GRIN2D: variants seen among roughly 807,000 people sequenced by gnomAD.
The protein encoded by GRIN2D is glutamate receptor ionotropic, NMDA 2D.
A neutral mutation model predicts 103.2 loss-of-function variants in GRIN2D; 37 were observed. The observed-to-expected ratio is 0.36, with a 90% CI of 0.28 to 0.47. The LOEUF (loss-of-function observed/expected upper bound fraction) is 0.47, where lower values mean the gene tolerates loss of function less well. Among genes scored for constraint, GRIN2D ranks in the 20% least tolerant of loss-of-function variants. The pLI, the probability that GRIN2D is intolerant of heterozygous loss-of-function variation, is 1.00. For synonymous variants in GRIN2D, 845 were observed against 885.6 expected, an observed-to-expected ratio of 0.95 and a Z score of 0.81; for missense variants, 1,557 against 1,910.6, an observed-to-expected ratio of 0.81 and a Z score of 3.45.
intron 11 of GRIN2D, among the ~76,000 whole-genome samples, 197 bp downstream of exon 11, chr19:48,422,142 A>C (rs1251424777): frequency 6.6e-6 from 1 of 152,122 alleles, no homozygotes; most frequent in Non-Finnish European, 1.5e-5. Context: ...ATTTTCTGGG[A>C]TGCAGTATTT....
intron 3 of GRIN2D, among the ~76,000 whole-genome samples, chr19:48,402,690 G>A (rs987377581): frequency 7.8e-6 from 1 of 128,538 alleles, no homozygotes; most frequent in African/African-American, 3.0e-5. Context: ...GCGGTCCGCA[G>A]TCCGGCCTGG....
intron 11 of GRIN2D, among the ~76,000 whole-genome samples, chr19:48,426,224 C>CTTTTTTTTTTTTT (rs369360320): frequency 1.3e-4 from 16 of 120,084 alleles, no homozygotes; most frequent in South Asian, 2.6e-4. Flanking sequence ...TTCTTTCTTT[C>CTTTTTTTTTTTTT]TTTTTTTTTT....
At chr19:48,426,224 C>CTTTCTTTCT (rs1555893889) in intron 11 of GRIN2D, among the ~76,000 whole-genome samples, 2 of 120,088 alleles carry the variant, frequency 1.7e-5, no homozygotes, top group Admixed American at 8.4e-5. Context: ...TTCTTTCTTT[C>CTTTCTTTCT]TTTTTTTTTT....
Position 48,442,354 on chromosome 19 carries a change from G to A in GRIN2D, c.2645G>A (p.Arg882His). 1.2e-6 allele frequency: 2 copies of A among 1,612,774 alleles called. No homozygotes were observed. The highest frequency in any genetic ancestry group is 1.7e-6 in the Non-Finnish European group (2 of 1,179,862). ...RLRHCLGPTH[R>H]MDFLLAFSRG... The stretch of plus-strand genomic sequence containing the variant: ...CGGCACTGCCTGGGGCCCACCCACC[G>A]CATGGACTTCCTGCTGGCCTTCTCC... The change falls in exon 13 of 14, where the codon CGC becomes CAC. Residue 882 changes from arginine (R) to histidine (H), a missense_variant. Physicochemically the swap from Arg to His is conservative, Grantham distance 29. Coordinates refer to ENST00000263269, the MANE Select transcript of GRIN2D (RefSeq NM_000836.4). This position sits in a 1 kb window ranked among gnomAD's most constrained non-coding sequence, Gnocchi z 7.2.
At chr19:48,441,349 T>G in intron 11 of GRIN2D, among the ~76,000 whole-genome samples, 4 of 123,708 alleles carry the variant, frequency 3.2e-5, no homozygotes, top group Admixed American at 9.5e-5. Context: ...GGTGACAGAG[T>G]GAGACTCTGT....
chr19:48,418,715 G>A (rs930642379), intron 8 of GRIN2D, among the ~76,000 whole-genome samples: 4 of 152,080 alleles, frequency 2.6e-5, no homozygotes, highest in African/African-American at 9.7e-5. Context: ...TGACTGGGTG[G>A]ATGGTGGGGC....
chr19:48,393,738 C>A lies in GRIN2D; in HGVS notation c.-436C>A, dbSNP rs940266595. Among the ~76,000 whole-genome samples, 1 of 152,108 alleles carries A rather than the reference C, an allele frequency of 6.6e-6. No homozygotes were observed. The highest frequency in any genetic ancestry group is 1.5e-5 in the Non-Finnish European group (1 of 68,008). ...TCCCTCCCGCTCCAGCTCCTCCAAGCCGCGGCCGCCGCCGCCACCCTCGCC... is the reference window on the plus strand; with the variant it reads ...TCCCTCCCGCTCCAGCTCCTCCAAGACGCGGCCGCCGCCGCCACCCTCGCC... On this transcript the variant is annotated 5_prime_UTR_variant, in exon 1 of 14. Coordinates refer to ENST00000263269, the MANE Select transcript of GRIN2D (RefSeq NM_000836.4). The surrounding 1 kb of genome is among the most constrained non-coding windows in gnomAD (Gnocchi z 5.6).
rs1210031627 is a variant in GRIN2D at position 48,444,828 on chromosome 19, G to A, written c.*891G>A. 6.6e-6 allele frequency: 1 copy of A among 152,298 alleles called. No individual in the cohort carries two copies. Among genetic ancestry groups the A allele is most frequent in the Non-Finnish European group, 1.5e-5 (1 of 68,134 alleles). 9.4% of individuals were successfully genotyped at this position (152,298 alleles called of 1,614,324 possible). A position where few individuals can be genotyped will look rare whatever the true frequency, so the allele number is the denominator to read the frequency against. On this transcript the variant is annotated 3_prime_UTR_variant, in exon 14 of 14. Coordinates refer to ENST00000263269, the MANE Select transcript of GRIN2D (RefSeq NM_000836.4). The surrounding 1 kb of genome is among the most constrained non-coding windows in gnomAD (Gnocchi z 5.5). ...CCAGCCGGGTCTGGGGCTGGGTTGC[G>A]GAGGGGAGGGTCTGGGAGTCCACAC...
chr19:48,435,673 G>A (rs1971220397), intron 11 of GRIN2D, among the ~76,000 whole-genome samples: 1 of 152,054 alleles, frequency 6.6e-6, no homozygotes, highest in Non-Finnish European at 1.5e-5. Context: ...ATGAACTCCC[G>A]ACCTCAGGAG....
At position 48,419,608 on chromosome 19, in the gene GRIN2D, A is replaced by G; in HGVS notation, c.1885A>G (p.Ile629Val). The G allele has an allele frequency of 6.2e-7, 1 of 1,611,654 alleles. No homozygotes were observed. Among genetic ancestry groups the G allele is most frequent in the East Asian group, 2.2e-5 (1 of 44,744 alleles). The change falls in exon 10 of 14, where the codon ATT (isoleucine) becomes GTT (valine). Residue 629 changes from isoleucine to valine, a missense_variant. This residue lies in a region of GRIN2D where 197 missense variants were observed against 334.1 expected (regional missense o/e 0.59). Coordinates refer to ENST00000263269, the MANE Select transcript of GRIN2D (RefSeq NM_000836.4). Reference protein sequence around the residue: ...GKRPGGSTFTIGKSIWLLWAL... With the variant: ...GKRPGGSTFTVGKSIWLLWAL... ...AGGCCCTGGCGGTTCAACCTTCACC[A>G]TTGGGAAATCCATCTGGCTGCTCTG...
chr19:48,404,055 CAT>C (rs1970749949), intron 3 of GRIN2D, among the ~76,000 whole-genome samples: 3 of 152,184 alleles, frequency 2.0e-5, no homozygotes, highest in African/African-American at 7.2e-5. Context: ...GCCTGGCCAA[CAT>C]GGAGAAAACC....
intron 4 of GRIN2D, among the ~76,000 whole-genome samples, 195 bp from the exon 5 acceptor site, chr19:48,413,796 G>C (rs1423336402): frequency 1.3e-5 from 2 of 152,102 alleles, no homozygotes; most frequent in Non-Finnish European, 2.9e-5. Context: ...CCTTATCCTG[G>C]GGGGCACTGG....
intron 8 of GRIN2D, among the ~76,000 whole-genome samples, chr19:48,417,648 C>G (rs566134637): frequency 6.6e-6 from 1 of 152,268 alleles, no homozygotes; most frequent in South Asian, 2.1e-4. Context: ...TGAGAAGCAC[C>G]ACGTGGGGCC....
At chr19:48,401,255 GA>G (rs946073717) in intron 3 of GRIN2D, among the ~76,000 whole-genome samples, 17 of 150,462 alleles carry the variant, frequency 1.1e-4, no homozygotes, top group South Asian at 2.1e-4. Flanking sequence ...TACAGTTCTA[GA>G]GGGGGGGGGA....
intron 3 of GRIN2D, among the ~76,000 whole-genome samples, chr19:48,403,082 CCAGCTACT>C (rs1191286881): frequency 6.6e-6 from 1 of 151,634 alleles, no homozygotes; most frequent in African/African-American, 2.4e-5. Flanking sequence ...GCCTGTAATC[CCAGCTACT>C]CAGAAGGCTG....
intron 4 of GRIN2D, among the ~76,000 whole-genome samples, chr19:48,413,445 C>T (rs1205416419): frequency 6.6e-6 from 1 of 152,004 alleles, no homozygotes; most frequent in African/African-American, 2.4e-5. Flanking sequence ...TGCCACTGCA[C>T]TCCAGCCTGG....
Position 48,443,234 on chromosome 19 carries a change from G to A in GRIN2D, c.3308G>A (p.Cys1103Tyr). 3 of 1,456,576 alleles carry A rather than the reference G, an allele frequency of 2.1e-6. No individual in the cohort carries two copies. Among genetic ancestry groups the A allele is most frequent in the Non-Finnish European group, 2.7e-6 (3 of 1,104,268 alleles). 90.2% of individuals were successfully genotyped at this position (1,456,576 alleles called of 1,614,324 possible). Residue 1103 changes from cysteine to tyrosine, a missense_variant, in exon 14 of 14, where the codon TGC becomes TAC. By Grantham distance (194) the Cys-to-Tyr change is radical. Transcript: ENST00000263269. This position sits in a 1 kb window ranked among gnomAD's most constrained non-coding sequence, Gnocchi z 8.9. ...CCGTGCCGCGCCGCGCCGCCCCCGT[G>A]CCCTTACCTCGATCTCGAGCCGTCG... ...PPPCRAAPPP[C>Y]PYLDLEPSPS...
At chr19:48,420,624 G>A (rs374183093) in intron 10 of GRIN2D, among the ~76,000 whole-genome samples, 98 of 152,114 alleles carry the variant, frequency 6.4e-4, no homozygotes, top group African/African-American at 2.3e-3. Flanking sequence ...TCAGGAGTTC[G>A]AGACCAGCCT....
rs1377911225 is a variant in GRIN2D at position 48,421,403 on chromosome 19, G to A, written c.2092-382G>A. 4.0e-5 allele frequency among the ~76,000 whole-genome samples: 6 copies of A among 149,930 alleles called. No individual in the cohort carries two copies. Among genetic ancestry groups the A allele is most frequent in the Non-Finnish European group, 8.8e-5 (6 of 67,870 alleles). ...ACAGTGTGCCATTGCACTCCAGCCT[G>A]GGCAACAAGAGCAAGACTCCGTTTA... On this transcript the variant is annotated intron_variant, in intron 10 of 13. Coordinates refer to ENST00000263269, the MANE Select transcript of GRIN2D (RefSeq NM_000836.4). This position sits in a 1 kb window ranked among gnomAD's most constrained non-coding sequence, Gnocchi z 4.8.
Sources: allele counts gnomAD v4.1 joint callset (sites outside exome capture counted in the v4.1 genomes callset), GRCh38; gene constraint gnomAD v4.1.1; regional missense constraint gnomAD v4.1.1; non-coding constraint Gnocchi (gnomAD v3.1); transcripts MANE v1.5; gene names NCBI Gene and HGNC (gene_info 2026-07-23, HGNC 2026-07-21).